The following PLXDC2 variants were observed in gnomAD, a reference collection of about 807,000 sequenced individuals.
PLXDC2 encodes plexin domain containing 2, also known as plexin domain-containing protein 2.
PLXDC2 carries 40 observed loss-of-function variants against 68.9 expected under a neutral mutation model. The observed-to-expected ratio is 0.58, with a 90% CI of 0.45 to 0.76. The LOEUF (loss-of-function observed/expected upper bound fraction) is 0.76, where lower values mean the gene tolerates loss of function less well. Ranked by LOEUF, PLXDC2 falls within the 30% of genes least tolerant of loss-of-function variation. The pLI is 0.00. For synonymous variants in PLXDC2, 243 were observed against 234.2 expected, an observed-to-expected ratio of 1.04 and a Z score of -0.34; for missense variants, 644 against 661.9, an observed-to-expected ratio of 0.97 and a Z score of 0.30.
intron 4 of PLXDC2, among the ~76,000 whole-genome samples, chr10:20,110,026 T>A (rs1452544609): frequency 6.6e-6 from 1 of 152,050 alleles, no homozygotes; most frequent in Non-Finnish European, 1.5e-5. Flanking sequence ...ACACAAAAAA[T>A]ATATATGTAG....
At chr10:19,934,257 A>G (rs777786270) in intron 1 of PLXDC2, among the ~76,000 whole-genome samples, 17 of 152,280 alleles carry the variant, frequency 1.1e-4, no homozygotes, top group Non-Finnish European at 1.9e-4. Flanking sequence ...GCAATCTTCC[A>G]TAATGCTCAT....
At chr10:20,278,492 TG>T (rs1836038094) in intron 13 of PLXDC2, among the ~76,000 whole-genome samples, 1 of 152,216 alleles carries the variant, frequency 6.6e-6, no homozygotes, top group South Asian at 2.1e-4. Flanking sequence ...ATTCTTCTTT[TG>T]GAAAATAGGG....
chr10:19,896,014 CG>C (rs987428533), intron 1 of PLXDC2, among the ~76,000 whole-genome samples: 2 of 152,146 alleles, frequency 1.3e-5, no homozygotes, highest in African/African-American at 4.8e-5. Flanking sequence ...AGGTCAAGGT[CG>C]GGGGGCCCTA....
intron 1 of PLXDC2, among the ~76,000 whole-genome samples, chr10:19,841,551 T>A (rs1836908022): frequency 2.0e-5 from 3 of 151,558 alleles, no homozygotes; most frequent in Admixed American, 2.0e-4. Flanking sequence ...TTTTTTTTTT[T>A]TTTTTAAGTG....
intron 1 of PLXDC2, among the ~76,000 whole-genome samples, chr10:19,973,191 G>T (rs1005008610): frequency 2.2e-5 from 3 of 135,020 alleles, no homozygotes; most frequent in Non-Finnish European, 5.2e-5. Context: ...AATTGATGAA[G>T]GTGTTTTGAT....
At chr10:20,000,182 A>G (rs1417310345) in intron 1 of PLXDC2, among the ~76,000 whole-genome samples, 2 of 152,204 alleles carry the variant, frequency 1.3e-5, no homozygotes, top group African/African-American at 2.4e-5. Flanking sequence ...TACAGTGACG[A>G]TGACAATACT....
At chr10:19,897,940 G>A (rs1838088767) in intron 1 of PLXDC2, among the ~76,000 whole-genome samples, 1 of 152,056 alleles carries the variant, frequency 6.6e-6, no homozygotes, top group Non-Finnish European at 1.5e-5. Context: ...GTTCTATCAT[G>A]TTTATCTTCT....
At chr10:20,171,136 C>T (rs146192817) in intron 7 of PLXDC2, among the ~76,000 whole-genome samples, 15 of 152,004 alleles carry the variant, frequency 9.9e-5, no homozygotes, top group East Asian at 3.9e-4. Flanking sequence ...TCAAAACTTA[C>T]GAAAAATACA....
chr10:19,980,130 G>C (rs1834527797), intron 1 of PLXDC2, among the ~76,000 whole-genome samples: 1 of 152,196 alleles, frequency 6.6e-6, no homozygotes, highest in Non-Finnish European at 1.5e-5. Flanking sequence ...TAAAAGATGA[G>C]AGTGAATGTC....
At chr10:20,219,544 A>G (rs1835183808) in intron 12 of PLXDC2, among the ~76,000 whole-genome samples, 1 of 152,208 alleles carries the variant, frequency 6.6e-6, no homozygotes, top group South Asian at 2.1e-4. Flanking sequence ...TATGAAGCAA[A>G]GAACAAAACT....
At chr10:20,142,532 G>T (rs1834020298) in intron 4 of PLXDC2, among the ~76,000 whole-genome samples, 1 of 152,050 alleles carries the variant, frequency 6.6e-6, no homozygotes, top group East Asian at 1.9e-4. Flanking sequence ...TTGAAAGTGG[G>T]TTAGACATGT....
intron 4 of PLXDC2, among the ~76,000 whole-genome samples, chr10:20,136,844 C>G (rs1833939710): frequency 6.6e-6 from 1 of 152,196 alleles, no homozygotes; most frequent in Non-Finnish European, 1.5e-5. Context: ...GTACCTTACA[C>G]ATTCAAGTTT....
intron 7 of PLXDC2, among the ~76,000 whole-genome samples, chr10:20,166,424 T>G (rs915165691): frequency 3.3e-5 from 5 of 152,126 alleles, no homozygotes; most frequent in African/African-American, 1.2e-4. Context: ...CAAGGATACA[T>G]GAGTATGTGT....
At chr10:20,075,543 A>G (rs1202385537) in intron 4 of PLXDC2, among the ~76,000 whole-genome samples, 5 of 152,256 alleles carry the variant, frequency 3.3e-5, no homozygotes, top group East Asian at 3.9e-4. Flanking sequence ...TTTCTCCTGC[A>G]TGTCTGTCCA....
chr10:20,068,644 T>G (rs1316453278), intron 4 of PLXDC2, among the ~76,000 whole-genome samples: 2 of 148,430 alleles, frequency 1.3e-5, no homozygotes, highest in African/African-American at 2.5e-5. Context: ...TTTACATATA[T>G]ATGCACTTAC....
At position 19,886,292 on chromosome 10, in the gene PLXDC2, G is replaced by A. The variant is rs561573798; in HGVS notation, c.112+69101G>A. ...GGTTTTCTAGATATACAATCATGTC[G>A]TCTGCAAACAGGGACAATTTGACTT... On this transcript the variant is annotated intron_variant, in intron 1 of 13. Transcript: ENST00000377252. Among the ~76,000 whole-genome samples the A allele has an allele frequency of 7.3e-3, 1,111 of 152,128 alleles. 10 individuals are homozygous for A. Among genetic ancestry groups the A allele is most frequent in the African/African-American group, 0.025 (1,032 of 41,480 alleles).
intron 1 of PLXDC2, among the ~76,000 whole-genome samples, chr10:19,922,686 A>T (rs1833479825): frequency 6.6e-6 from 1 of 152,202 alleles, no homozygotes; most frequent in African/African-American, 2.4e-5. Flanking sequence ...CTTGGAGAGT[A>T]TATATGAGAC....
At chr10:19,836,837 T>C (rs7073980) in intron 1 of PLXDC2, among the ~76,000 whole-genome samples, 17,919 of 152,180 alleles carry the variant, frequency 0.12, 1,911 homozygotes, top group African/African-American at 0.28. Context: ...AAGAATGTTG[T>C]TTTTCCTCAC....
At chr10:20,238,687 A>ATACACACATATATGTG (rs1287939124) in intron 12 of PLXDC2, among the ~76,000 whole-genome samples, 1 of 101,672 alleles carries the variant, frequency 9.8e-6, no homozygotes, top group Non-Finnish European at 2.1e-5. Flanking sequence ...GTATATATAT[A>ATACACACATATATGTG]TATATACACA....
Sources: allele counts gnomAD v4.1 joint callset (sites outside exome capture counted in the v4.1 genomes callset), GRCh38; gene constraint gnomAD v4.1.1; transcripts MANE v1.5; gene names NCBI Gene and HGNC (gene_info 2026-07-23, HGNC 2026-07-21).